The following DYNC2I1 variants were observed in gnomAD, a reference collection of about 807,000 sequenced individuals.
DYNC2I1 encodes cytoplasmic dynein 2 intermediate chain 1.
In DYNC2I1, 89 loss-of-function variants were observed where a neutral mutation model predicts 133.4. The ratio of observed to expected loss-of-function variants is 0.67; its 90% CI spans 0.56 to 0.80. The LOEUF is 0.80. Ranked by LOEUF, DYNC2I1 falls within the 30% of genes least tolerant of loss-of-function variation. DYNC2I1 has a pLI of 0.00. For synonymous variants in DYNC2I1, 504 were observed against 484.3 expected, an observed-to-expected ratio of 1.04 and a Z score of -0.54; for missense variants, 1,291 against 1,314.5, an observed-to-expected ratio of 0.98 and a Z score of 0.28.
At chr7:158,894,701 A>G (rs1845603657) in intron 8 of DYNC2I1, among the ~76,000 whole-genome samples, 1 of 152,206 alleles carries the variant, frequency 6.6e-6, no homozygotes, top group African/African-American at 2.4e-5. Flanking sequence ...CTACTGGGTA[A>G]CTACCAAGGA....
chr7:158,944,547 G>A lies in DYNC2I1; in HGVS notation c.3003-1034G>A, dbSNP rs190089300. On this transcript the variant is annotated intron_variant, in intron 24 of 24. Transcript: ENST00000407559. The stretch of plus-strand genomic sequence containing the variant: ...TTAAAGTATCCGCTGGTGAAAATCC[G>A]AGTGGCTTGTAGTTCCTCATGGTCT... Among the ~76,000 whole-genome samples, 21 of 152,282 alleles carry A rather than the reference G, an allele frequency of 1.4e-4. 1 individual carries two copies. Among genetic ancestry groups the A allele is most frequent in the Admixed American group, 1.2e-3 (19 of 15,308 alleles).
rs1317508486 is a variant in DYNC2I1 at position 158,926,237 on chromosome 7, C to A, written c.2308C>A (p.Pro770Thr). The A allele has an allele frequency of 6.2e-6, 10 of 1,613,708 alleles. 1 individual carries two copies. In the South Asian group the frequency reaches 7.7e-5, roughly 12 times the overall value. ...CCGAAGCCCTCTTCAAGCAGTAGAA[C>A]CTATCTCAACGTCCGTCCACAAAAA... is the stretch of plus-strand genomic sequence containing the variant. ...NHRSPLQAVE[P>T]ISTSVHKKQS... is the part of the protein sequence containing the mutation. The change falls in exon 18 of 25, where the codon CCT (proline) becomes ACT (threonine). Residue 770 changes from proline to threonine, a missense_variant. Transcript: ENST00000407559.
At chr7:158,910,883 G>A (rs1421165842) in intron 11 of DYNC2I1, among the ~76,000 whole-genome samples, 1 of 149,642 alleles carries the variant, frequency 6.7e-6, no homozygotes, top group East Asian at 2.0e-4. Flanking sequence ...TGTCAGGCCT[G>A]TGAGCGAGGA....
downstream of DYNC2I1, among the ~76,000 whole-genome samples, chr7:158,947,502 C>T (rs1851925253): frequency 6.6e-6 from 1 of 152,226 alleles, no homozygotes; most frequent in Non-Finnish European, 1.5e-5. Context: ...GTTCTCTGTC[C>T]TGACTCCTTT....
chr7:158,861,590 G>A (rs776400975), intron 1 of DYNC2I1, among the ~76,000 whole-genome samples: 3 of 152,198 alleles, frequency 2.0e-5, no homozygotes, highest in Non-Finnish European at 4.4e-5. Flanking sequence ...TAGACTCAGC[G>A]CAGCAGCATT....
chr7:158,847,942 CTATAT>C, the DYNC2I1 span, among the ~76,000 whole-genome samples: 1 of 152,148 alleles, frequency 6.6e-6, no homozygotes, highest in African/African-American at 2.4e-5. Flanking sequence ...CTTGAGAAAC[CTATAT>C]TATAATAGAT....
intron 4 of DYNC2I1, among the ~76,000 whole-genome samples, chr7:158,878,835 G>A (rs1397211166): frequency 6.9e-6 from 1 of 145,174 alleles, no homozygotes; most frequent in African/African-American, 2.6e-5. Context: ...GACTGTGAGT[G>A]CCGGGCGCCA....
In DYNC2I1 at chr7:158,871,659, C is replaced by T. The variant is rs537077293; in HGVS notation, c.490+97C>T. The T allele has an allele frequency of 2.1e-5, 28 of 1,310,350 alleles. No individual in the cohort carries two copies. The Admixed American group carries it at 2.8e-4, about 13-fold the overall frequency. The allele number at this position is 1,310,350 out of a possible 1,614,324, so 81.2% of individuals were successfully genotyped here. A position where few individuals can be genotyped will look rare whatever the true frequency, so the allele number is the denominator to read the frequency against. Reference sequence around the variant, plus strand: ...CGCTGCCTCCCCTCCCTCTCTCCCCCGCTTCCCTCCTTCCCCTTTCCTTTT... The same window carrying T: ...CGCTGCCTCCCCTCCCTCTCTCCCCTGCTTCCCTCCTTCCCCTTTCCTTTT... On this transcript the variant is annotated intron_variant, in intron 3 of 24. Coordinates refer to ENST00000407559, the MANE Select transcript of DYNC2I1 (RefSeq NM_018051.5).
chr7:158,931,302 G>A (rs1179174496), intron 21 of DYNC2I1, among the ~76,000 whole-genome samples: 6 of 152,060 alleles, frequency 3.9e-5, no homozygotes, highest in Non-Finnish European at 8.8e-5. Context: ...TGCACTCAGG[G>A]GTCAAAATTT....
intron 17 of DYNC2I1, among the ~76,000 whole-genome samples, chr7:158,925,051 C>G (rs762304583): frequency 6.6e-6 from 1 of 152,128 alleles, no homozygotes; most frequent in Non-Finnish European, 1.5e-5. Flanking sequence ...CCACCGCACC[C>G]GGCCTTGTCT....
intron 7 of DYNC2I1, among the ~76,000 whole-genome samples, chr7:158,889,172 C>T (rs1425073994): frequency 4.0e-5 from 6 of 151,700 alleles, no homozygotes; most frequent in Non-Finnish European, 8.8e-5. Flanking sequence ...GCTCTGCCTC[C>T]CGGGTTCACG....
chr7:158,902,758 G>A (rs1339148550), intron 10 of DYNC2I1, 163 bp downstream of exon 10: 2 of 643,214 alleles, frequency 3.1e-6, no homozygotes, highest in Non-Finnish European at 2.7e-6. Flanking sequence ...CACATAGGAG[G>A]CCCCTGAAGA....
At position 158,945,566 on chromosome 7, in the gene DYNC2I1, C is replaced by T. The variant is rs755009519; in HGVS notation, c.3003-15C>T. ...TGTGTGCACTGACCCTCTGCTTCTGCCCCTCTCCCTGCAGGCTGGTGGCCA... is the reference window on the plus strand; with the variant it reads ...TGTGTGCACTGACCCTCTGCTTCTGTCCCTCTCCCTGCAGGCTGGTGGCCA... On this transcript the variant is annotated splice_polypyrimidine_tract_variant and intron_variant, in intron 24 of 24. Coordinates refer to ENST00000407559, the MANE Select transcript of DYNC2I1 (RefSeq NM_018051.5). This position sits in a 1 kb window ranked among gnomAD's most constrained non-coding sequence, Gnocchi z 4.1. 6.3e-7 allele frequency: 1 copy of T among 1,593,314 alleles called. No individual in the cohort carries two copies.
At chr7:158,845,168 AC>A in the DYNC2I1 span, among the ~76,000 whole-genome samples, 5 of 152,258 alleles carry the variant, frequency 3.3e-5, no homozygotes, top group African/African-American at 9.6e-5. Flanking sequence ...TTGTTGTTTT[AC>A]AAACCAGTAA....
At chr7:158,871,694 CA>C in intron 3 of DYNC2I1, 132 bp downstream of exon 3, 9 of 1,089,182 alleles carry the variant, frequency 8.3e-6, no homozygotes, top group Non-Finnish European at 1.0e-5. Flanking sequence ...TTTTTCTGGA[CA>C]GGGTCTTGCT....
intron 1 of DYNC2I1, among the ~76,000 whole-genome samples, chr7:158,862,392 T>TA (rs1841938382): frequency 6.6e-6 from 1 of 152,120 alleles, no homozygotes; most frequent in Non-Finnish European, 1.5e-5. Context: ...AACTGCAGGT[T>TA]ACGAATTCTG....
chr7:158,870,529 T>A (rs531791016), intron 2 of DYNC2I1, among the ~76,000 whole-genome samples: 1 of 151,398 alleles, frequency 6.6e-6, no homozygotes, highest in Non-Finnish European at 1.5e-5. Flanking sequence ...ATTTTTTAAT[T>A]TTTTAATTTT....
intron 8 of DYNC2I1, among the ~76,000 whole-genome samples, chr7:158,892,569 G>A (rs563395971): frequency 1.3e-5 from 2 of 152,166 alleles, no homozygotes; most frequent in African/African-American, 4.8e-5. Context: ...AGCCTTTTGA[G>A]TAGTTGGGAT....
At chr7:158,958,081 GACACGCC>G (rs1852246018), downstream of DYNC2I1, among the ~76,000 whole-genome samples, 1 of 148,706 alleles carries the variant, frequency 6.7e-6, no homozygotes, top group Non-Finnish European at 1.5e-5. Flanking sequence ...GTCAGCCACA[GACACGCC>G]CCAGGTCGTG....
Sources: allele counts gnomAD v4.1 joint callset (sites outside exome capture counted in the v4.1 genomes callset), GRCh38; gene constraint gnomAD v4.1.1; non-coding constraint Gnocchi (gnomAD v3.1); transcripts MANE v1.5; gene names NCBI Gene and HGNC (gene_info 2026-07-23, HGNC 2026-07-21).